SEMA3A: variants seen among roughly 807,000 people sequenced by gnomAD.
SEMA3A encodes semaphorin 3A.
A neutral mutation model predicts 97.9 loss-of-function variants in SEMA3A; 29 were observed. The ratio of observed to expected loss-of-function variants is 0.30; its 90% CI spans 0.22 to 0.40. SEMA3A has a LOEUF of 0.40. SEMA3A is among the 10% of genes least tolerant of loss of function. SEMA3A has a pLI of 1.00. For synonymous variants in SEMA3A, 321 were observed against 323.7 expected (o/e 0.99, Z 0.09); for missense variants, 763 against 951.3 (o/e 0.80, Z 2.60).
At chr7:84,135,320 A>G (rs987813013) in intron 1 of SEMA3A, among the ~76,000 whole-genome samples, 16 of 152,128 alleles carry the variant, frequency 1.1e-4, no homozygotes, top group African/African-American at 3.6e-4. Flanking sequence ...CATGTTGGTC[A>G]GGCTGGCTTC....
At chr7:84,348,875 T>G (rs1220021759) in intron 2 of SEMA3A, among the ~76,000 whole-genome samples, 1 of 151,594 alleles carries the variant, frequency 6.6e-6, no homozygotes, top group Non-Finnish European at 1.5e-5. Context: ...TCCCAGCTAC[T>G]CAGGAGACTG....
chr7:84,048,952 G>A (rs1336756656), intron 5 of SEMA3A, among the ~76,000 whole-genome samples: 1 of 151,930 alleles, frequency 6.6e-6, no homozygotes, highest in Non-Finnish European at 1.5e-5. Flanking sequence ...GCATTTGGTT[G>A]TTTTATAACA....
Position 84,099,210 on chromosome 7 carries a change from AC to A in SEMA3A, c.453+11259del, listed in dbSNP as rs1300910387. Among the ~76,000 whole-genome samples the A allele has an allele frequency of 4.5e-5, 5 of 110,700 alleles. 2 individuals are homozygous for A. Among genetic ancestry groups the A allele is most frequent in the Non-Finnish European group, 1.1e-4 (5 of 46,266 alleles). 72.6% of individuals were successfully genotyped at this position (110,700 alleles called of 152,430 possible). A position where few individuals can be genotyped will look rare whatever the true frequency, so the allele number is the denominator to read the frequency against. The stretch of plus-strand genomic sequence containing the variant: ...CTCAGCCTCCCGAGTAGCTGGGACT[AC>A]AGGCGCCCGCTACCACGCCCGGCTA... On this transcript the variant is annotated intron_variant, in intron 4 of 16. Coordinates refer to ENST00000265362, the MANE Select transcript of SEMA3A (RefSeq NM_006080.3).
At chr7:84,192,452 G>A (rs891812320) in intron 1 of SEMA3A, among the ~76,000 whole-genome samples, 4 of 151,832 alleles carry the variant, frequency 2.6e-5, no homozygotes, top group Admixed American at 6.6e-5. Context: ...TTGTTATGTA[G>A]CTGTAAAGCA....
intron 2 of SEMA3A, among the ~76,000 whole-genome samples, chr7:84,357,982 T>C (rs1802611514): frequency 1.3e-5 from 2 of 152,156 alleles, no homozygotes; most frequent in Admixed American, 6.5e-5. Context: ...TTGATGGGGT[T>C]GTTTGTTTTC....
At chr7:84,409,105 A>C (rs1461121438) in intron 1 of SEMA3A, among the ~76,000 whole-genome samples, 1 of 150,022 alleles carries the variant, frequency 6.7e-6, no homozygotes, top group Non-Finnish European at 1.5e-5. Flanking sequence ...ATACAGTTAG[A>C]AGGATAGGTT....
chr7:84,108,265 G>A (rs1303964361), intron 4 of SEMA3A, among the ~76,000 whole-genome samples: 2 of 151,814 alleles, frequency 1.3e-5, no homozygotes, highest in Non-Finnish European at 2.9e-5. Flanking sequence ...CCAAGCTGAG[G>A]TTGAATGCAA....
intron 4 of SEMA3A, among the ~76,000 whole-genome samples, chr7:84,088,524 T>G (rs149219368): frequency 6.6e-6 from 1 of 152,294 alleles, no homozygotes; most frequent in African/African-American, 2.4e-5. Context: ...TAAAAGTTAC[T>G]TAAGGGGAAG....
chr7:83,967,874 T>C (rs1430298489), intron 15 of SEMA3A, among the ~76,000 whole-genome samples: 1 of 152,212 alleles, frequency 6.6e-6, no homozygotes, highest in African/African-American at 2.4e-5. Flanking sequence ...ATACATTGTA[T>C]AATGATCAAA....
chr7:84,207,071 A>G (rs1378174522), intron 3 of SEMA3A, among the ~76,000 whole-genome samples: 2 of 152,228 alleles, frequency 1.3e-5, no homozygotes, highest in African/African-American at 2.4e-5. Context: ...ATGTTTACAC[A>G]TGTTTACACA....
At chr7:84,189,704 A>C (rs781339427) in intron 1 of SEMA3A, among the ~76,000 whole-genome samples, 4 of 151,814 alleles carry the variant, frequency 2.6e-5, no homozygotes, top group Middle Eastern at 3.4e-3. Context: ...CATAACAACA[A>C]TTTAACATTA....
chr7:84,465,428 T>C (rs1449639312), intron 1 of SEMA3A, among the ~76,000 whole-genome samples: 2 of 152,202 alleles, frequency 1.3e-5, no homozygotes, highest in Non-Finnish European at 2.9e-5. Context: ...AGATACAATG[T>C]TATGTAGATC....
intron 3 of SEMA3A, among the ~76,000 whole-genome samples, chr7:84,234,139 G>A (rs559950076): frequency 2.6e-4 from 40 of 152,026 alleles, no homozygotes; most frequent in Admixed American, 1.6e-3. Flanking sequence ...TGTTAGTGAT[G>A]GCCATTATAT....
intron 15 of SEMA3A, among the ~76,000 whole-genome samples, chr7:83,964,911 T>C (rs969664875): frequency 2.0e-5 from 3 of 152,152 alleles, no homozygotes; most frequent in Non-Finnish European, 4.4e-5. Context: ...TGGAACATGT[T>C]GCTATACTCA....
chr7:84,134,341 G>C (rs909615317), intron 2 of SEMA3A, among the ~76,000 whole-genome samples: 2 of 152,166 alleles, frequency 1.3e-5, no homozygotes, highest in South Asian at 4.1e-4. Flanking sequence ...GAATGGGAGT[G>C]CTTGTGTTTC....
At chr7:84,241,302 C>G (rs942919418) in intron 3 of SEMA3A, among the ~76,000 whole-genome samples, 2 of 152,058 alleles carry the variant, frequency 1.3e-5, no homozygotes, top group Non-Finnish European at 2.9e-5. Flanking sequence ...ACCATTCTAA[C>G]GGCATGAGAT....
chr7:84,463,708 A>G (rs924599278), intron 1 of SEMA3A, among the ~76,000 whole-genome samples: 4 of 152,044 alleles, frequency 2.6e-5, no homozygotes, highest in Admixed American at 6.6e-5. Context: ...TCCCTGTTAA[A>G]CACCTGTTCA....
intron 4 of SEMA3A, among the ~76,000 whole-genome samples, chr7:84,096,206 T>C (rs892871901): frequency 6.6e-5 from 10 of 152,056 alleles, no homozygotes; most frequent in South Asian, 2.1e-4. Context: ...GTCAAGAGAA[T>C]TGAGCTTAAC....
chr7:84,464,278 G>A (rs1055476998), intron 1 of SEMA3A, among the ~76,000 whole-genome samples: 1 of 152,132 alleles, frequency 6.6e-6, no homozygotes, highest in Non-Finnish European at 1.5e-5. Context: ...CATCACAAGC[G>A]ACTTGCAGAA....
Sources: gnomAD v4.1 joint callset for allele counts (sites outside exome capture counted in the v4.1 genomes callset) on GRCh38, gnomAD v4.1.1 for gene constraint, MANE v1.5 for transcripts, NCBI Gene and HGNC (gene_info 2026-07-23, HGNC 2026-07-21) for gene names.